The following AGBL4 variants were observed in gnomAD, a reference collection of about 807,000 sequenced individuals.
The protein encoded by AGBL4 is AGBL carboxypeptidase 4, also known as cytosolic carboxypeptidase 6.
A neutral mutation model predicts 66.4 loss-of-function variants in AGBL4; 58 were observed. That is an observed-to-expected ratio of 0.87 (90% CI 0.71 to 1.09). AGBL4 has a LOEUF of 1.09. Ranked by LOEUF, AGBL4 falls within the 50% of genes least tolerant of loss-of-function variation. The pLI, the probability that AGBL4 is intolerant of heterozygous loss-of-function variation, is 0.00. For synonymous variants in AGBL4, 234 were observed against 222.9 expected (o/e 1.05, Z -0.44); for missense variants, 579 against 631.0 (o/e 0.92, Z 0.88).
intron 9 of AGBL4, among the ~76,000 whole-genome samples, chr1:48,608,617 C>A (rs935849942): frequency 6.6e-6 from 1 of 152,008 alleles, no homozygotes; most frequent in African/African-American, 2.4e-5. Flanking sequence ...ATGGACAAGA[C>A]AGGCAACTGG....
At chr1:49,281,571 C>T (rs748144651) in intron 3 of AGBL4, among the ~76,000 whole-genome samples, 2 of 152,206 alleles carry the variant, frequency 1.3e-5, no homozygotes, top group Non-Finnish European at 2.9e-5. Flanking sequence ...AGACTCTTTA[C>T]TCAACTTTCC....
intron 2 of AGBL4, among the ~76,000 whole-genome samples, chr1:49,719,591 AAAT>A (rs1648435556): frequency 6.6e-6 from 1 of 152,118 alleles, no homozygotes; most frequent in Non-Finnish European, 1.5e-5. Flanking sequence ...CTGTATGTTT[AAAT>A]AATAACAAGC....
intron 1 of AGBL4, among the ~76,000 whole-genome samples, chr1:49,885,728 A>G (rs1647963179): frequency 6.6e-6 from 1 of 152,112 alleles, no homozygotes; most frequent in Non-Finnish European, 1.5e-5. Context: ...CACTCAATAA[A>G]AGAATAAGGA....
intron 5 of AGBL4, among the ~76,000 whole-genome samples, chr1:48,990,309 G>A (rs532830232): frequency 6.6e-6 from 1 of 151,920 alleles, no homozygotes; most frequent in East Asian, 1.9e-4. Flanking sequence ...TGAATGGTTT[G>A]CAAATATTTT....
intron 2 of AGBL4, among the ~76,000 whole-genome samples, chr1:49,725,657 C>A (rs893078594): frequency 6.7e-6 from 1 of 150,314 alleles, no homozygotes; most frequent in Non-Finnish European, 1.5e-5. Flanking sequence ...GAAGTCATAT[C>A]CATTAATGTT....
At chr1:48,929,355 C>T (rs1308469428) in intron 5 of AGBL4, among the ~76,000 whole-genome samples, 2 of 152,278 alleles carry the variant, frequency 1.3e-5, no homozygotes, top group Admixed American at 1.3e-4. Context: ...AGTTAAAAAA[C>T]ATGCCACTTT....
chr1:49,547,999 C>A (rs889552403), intron 3 of AGBL4, among the ~76,000 whole-genome samples: 1 of 152,144 alleles, frequency 6.6e-6, no homozygotes, highest in East Asian at 1.9e-4. Context: ...GTCTCGAACT[C>A]CTGACCTTGT....
At chr1:48,657,049 C>T (rs545396263) in intron 7 of AGBL4, among the ~76,000 whole-genome samples, 25 of 152,262 alleles carry the variant, frequency 1.6e-4, no homozygotes, top group African/African-American at 6.0e-4. Context: ...CTGTTGGTAA[C>T]GGAAAGCCTT....
chr1:48,630,086 C>T (rs1645569935), intron 9 of AGBL4, among the ~76,000 whole-genome samples: 1 of 152,170 alleles, frequency 6.6e-6, no homozygotes, highest in South Asian at 2.1e-4. Flanking sequence ...AAACAGGGGC[C>T]AGGCCACAGT....
chr1:49,011,404 G>T (rs1056357065), intron 5 of AGBL4, among the ~76,000 whole-genome samples: 1 of 152,140 alleles, frequency 6.6e-6, no homozygotes, highest in African/African-American at 2.4e-5. Context: ...AGGGTGTGGA[G>T]AAATAGGAAC....
At position 48,653,317 on chromosome 1, in the gene AGBL4, C is replaced by A. The variant is rs1232964300; in HGVS notation, c.839+20G>T. The stretch of plus-strand genomic sequence containing the variant: ...CATCCTATAAGTACTTGCTTCCAAG[C>A]ATTCTCCCCAATTCCTTACCTGTAA... On this transcript the variant is annotated intron_variant, in intron 8 of 13. Coordinates refer to ENST00000371839, the MANE Select transcript of AGBL4 (RefSeq NM_032785.4). 3 of 1,530,292 alleles carry A rather than the reference C, an allele frequency of 2.0e-6. No individual in the cohort carries two copies. Among genetic ancestry groups the A allele is most frequent in the African/African-American group, 1.4e-5 (1 of 72,664 alleles). 94.8% of individuals were successfully genotyped at this position (1,530,292 alleles called of 1,614,324 possible). A position where few individuals can be genotyped will look rare whatever the true frequency, so the allele number is the denominator to read the frequency against.
intron 5 of AGBL4, among the ~76,000 whole-genome samples, chr1:48,936,964 T>C (rs1055140529): frequency 6.6e-6 from 1 of 152,168 alleles, no homozygotes; most frequent in Non-Finnish European, 1.5e-5. Context: ...TTTATACCCA[T>C]GAAGAACTTT....
At chr1:48,546,096 A>G (rs1399969445) in intron 11 of AGBL4, among the ~76,000 whole-genome samples, 1 of 151,964 alleles carries the variant, frequency 6.6e-6, no homozygotes, top group African/African-American at 2.4e-5. Context: ...AGCAGGAACT[A>G]TTTTTTTTAG....
intron 5 of AGBL4, among the ~76,000 whole-genome samples, chr1:49,020,364 T>C (rs17105418): frequency 0.06 from 9,067 of 152,242 alleles, 292 homozygotes; most frequent in East Asian, 0.079. Flanking sequence ...ACTTTCCATC[T>C]CAGGGCAGAA....
At chr1:49,547,884 C>A (rs558560750) in intron 3 of AGBL4, among the ~76,000 whole-genome samples, 1 of 152,130 alleles carries the variant, frequency 6.6e-6, no homozygotes, top group East Asian at 1.9e-4. Flanking sequence ...AGTGATTCTC[C>A]TGCCTCAGCC....
intron 3 of AGBL4, among the ~76,000 whole-genome samples, chr1:49,297,419 C>T (rs1644663989): frequency 6.6e-6 from 1 of 152,134 alleles, no homozygotes; most frequent in Non-Finnish European, 1.5e-5. Flanking sequence ...AAATTAAGAG[C>T]AGTTCAATAC....
At chr1:49,704,409 T>C (rs1647162285) in intron 2 of AGBL4, among the ~76,000 whole-genome samples, 1 of 151,994 alleles carries the variant, frequency 6.6e-6, no homozygotes, top group African/African-American at 2.4e-5. Context: ...ATGTTCAATA[T>C]AAATAATTAA....
At chr1:48,613,225 GA>G (rs202155054) in intron 9 of AGBL4, among the ~76,000 whole-genome samples, 2,209 of 152,244 alleles carry the variant, frequency 0.015, 53 homozygotes, top group African/African-American at 0.05. Context: ...GAAGAAATGA[GA>G]GAGGTTAAAT....
chr1:49,273,602 A>G (rs186553843), intron 3 of AGBL4, among the ~76,000 whole-genome samples: 16 of 151,302 alleles, frequency 1.1e-4, no homozygotes, highest in Admixed American at 9.9e-4. Context: ...TATAATATGA[A>G]GGAAAAATCT....
Sources: allele counts gnomAD v4.1 joint callset (sites outside exome capture counted in the v4.1 genomes callset), GRCh38; gene constraint gnomAD v4.1.1; transcripts MANE v1.5; gene names NCBI Gene and HGNC (gene_info 2026-07-23, HGNC 2026-07-21).